NOTCH2NLR: variants seen among roughly 807,000 people sequenced by gnomAD.
NOTCH2NLR encodes the protein notch 2 N-terminal like R (pseudogene).
Under a neutral mutation model 35.6 loss-of-function variants are expected in NOTCH2NLR, and 33 were observed. The ratio of observed to expected loss-of-function variants is 0.93; its 90% CI spans 0.70 to 1.24. The LOEUF is 1.24. Among genes scored for constraint, NOTCH2NLR ranks in the 50% most tolerant of loss-of-function variants. The pLI is 0.00. For missense variants in NOTCH2NLR, 276 were observed against 362.2 expected, an observed-to-expected ratio of 0.76 and a Z score of 1.93; for synonymous variants, 103 against 141.0, an observed-to-expected ratio of 0.73 and a Z score of 1.91.
chr1:120,758,967 C>T (rs1207637526), intron 1 of NOTCH2NLR, among the ~76,000 whole-genome samples: 2 of 107,894 alleles, frequency 1.9e-5, no homozygotes, highest in Non-Finnish European at 3.4e-5. Flanking sequence ...GTTTTGTTTC[C>T]AATGGAACTT....
intron 2 of NOTCH2NLR, among the ~76,000 whole-genome samples, chr1:120,778,595 G>A: frequency 3.6e-5 from 1 of 28,046 alleles, no homozygotes; most frequent in East Asian, 8.8e-4. Context: ...TTTTTGAATG[G>A]CCAAATCCTC....
rs1174417867 is a variant in NOTCH2NLR at position 120,732,234 on chromosome 1, CT to C, written c.73+7993del. Among the ~76,000 whole-genome samples, 36 of 71,894 alleles carry C rather than the reference CT, an allele frequency of 5.0e-4. 4 individuals carry two copies. The highest frequency in any genetic ancestry group is 8.4e-4 in the Admixed American group (6 of 7,126). 47.2% of individuals were successfully genotyped at this position (71,894 alleles called of 152,430 possible). ...CTTTTTCATCTCTTTTTATTTTCAT[CT>C]TTTTTTTTGTGAGAAGATTCTGTAA... On this transcript the variant is annotated intron_variant, in intron 1 of 4. Coordinates refer to ENST00000624419, the Ensembl canonical transcript of NOTCH2NLR.
Position 120,770,241 on chromosome 1 carries a change from C to T in NOTCH2NLR, c.155+6532C>T, listed in dbSNP as rs1651247292. Among the ~76,000 whole-genome samples the T allele has an allele frequency of 1.9e-5, 2 of 103,450 alleles. 1 individual carries two copies. Among genetic ancestry groups the T allele is most frequent in the Non-Finnish European group, 3.6e-5 (2 of 55,724 alleles). 67.9% of individuals were successfully genotyped at this position (103,450 alleles called of 152,430 possible). ...CTGGAGTGCAGTGGCGCTTTCTTGG[C>T]TCACTGCAAGCTCCGCCTCCCGGGT... On this transcript the variant is annotated intron_variant, in intron 2 of 4. Transcript: ENST00000624419.
chr1:120,783,537 G>A (rs1651389548), intron 2 of NOTCH2NLR, among the ~76,000 whole-genome samples: 1 of 52,550 alleles, frequency 1.9e-5, no homozygotes, highest in Non-Finnish European at 3.1e-5. Flanking sequence ...AGTTTCTTGG[G>A]AAGATGATCT....
chr1:120,775,758 T>C lies in NOTCH2NLR; in HGVS notation c.156-9216T>C, dbSNP rs1173634100. 2.6e-5 allele frequency among the ~76,000 whole-genome samples: 2 copies of C among 76,290 alleles called. 1 individual carries two copies. The highest frequency in any genetic ancestry group is 2.3e-4 in the African/African-American group (2 of 8,704). 50.0% of individuals were successfully genotyped at this position (76,290 alleles called of 152,430 possible). On this transcript the variant is annotated intron_variant, in intron 2 of 4. Coordinates refer to ENST00000624419, the Ensembl canonical transcript of NOTCH2NLR. ...GGTGGTTTATGTAGTCAGTCTTTTATCAACAACCGATGAAAGACTAATAAA... is the reference window on the plus strand; with the variant it reads ...GGTGGTTTATGTAGTCAGTCTTTTACCAACAACCGATGAAAGACTAATAAA...
In NOTCH2NLR at chr1:120,745,145, CA is replaced by C. The variant is rs1160274383; in HGVS notation, c.74-18475del. Among the ~76,000 whole-genome samples the C allele has an allele frequency of 7.7e-5, 7 of 90,512 alleles. 3 individuals are homozygous for C. The highest frequency in any genetic ancestry group is 3.6e-4 in the African/African-American group (5 of 14,030). 59.4% of individuals were successfully genotyped at this position (90,512 alleles called of 152,430 possible). ...CAAAAAAAAAAAAACAAAAAAAAAA[CA>C]AAAAAAAGTGGTATTGGGCCTGTCT... On this transcript the variant is annotated intron_variant, in intron 1 of 4. Coordinates refer to ENST00000624419, the Ensembl canonical transcript of NOTCH2NLR.
chr1:120,789,983 T>C lies in NOTCH2NLR; in HGVS notation c.416-3178T>C, dbSNP rs1197030192. On this transcript the variant is annotated intron_variant, in intron 3 of 4. Transcript: ENST00000624419. ...CTTGTTGTTAAGAAGGATCTCTTCT[T>C]GGTGTGTTCTGCAAGATTCTGATCA... Among the ~76,000 whole-genome samples the C allele has an allele frequency of 6.9e-4, 60 of 87,064 alleles. 2 individuals are homozygous for C. Among genetic ancestry groups the C allele is most frequent in the Non-Finnish European group, 1.0e-3 (49 of 49,100 alleles). The allele number at this position is 87,064 out of a possible 152,430, so 57.1% of individuals were successfully genotyped here. A position where few individuals can be genotyped will look rare whatever the true frequency, so the allele number is the denominator to read the frequency against.
chr1:120,766,086 A>G (rs1651191814), intron 2 of NOTCH2NLR, among the ~76,000 whole-genome samples: 2 of 40,722 alleles, frequency 4.9e-5, no homozygotes, highest in East Asian at 5.3e-4. Context: ...ACCATGGCAC[A>G]TGTATACCTA....
At chr1:120,778,189 G>A (rs1202265406) in intron 2 of NOTCH2NLR, among the ~76,000 whole-genome samples, 4 of 74,464 alleles carry the variant, frequency 5.4e-5, no homozygotes, top group Admixed American at 1.3e-4. Flanking sequence ...GTTACTGACC[G>A]ATGCTTAATT....
At chr1:120,763,846 G>C in intron 2 of NOTCH2NLR, 137 bp downstream of exon 2, 1 of 493,922 alleles carries the variant, frequency 2.0e-6, no homozygotes, top group East Asian at 3.2e-5. Flanking sequence ...GGTTGGGGGT[G>C]AGGATGGAAG....
rs1651512884 is a variant in NOTCH2NLR, at chr1:120,793,233, C to T, written c.488C>T (p.Ala163Val). Residue 163 changes from alanine (A) to valine (V), a missense_variant, in exon 4 of 5, where the codon GCC becomes GTC. Ala to Val is a moderately conservative substitution (Grantham distance 64). Transcript: ENST00000624419. Reference sequence around the variant, plus strand: ...AATGGAAGTACCTGTACCACTGTGGCCAACCAGTTCTCCTGCAAATGCCTC... The same window carrying T: ...AATGGAAGTACCTGTACCACTGTGGTCAACCAGTTCTCCTGCAAATGCCTC... The T allele has an allele frequency of 2.1e-5, 30 of 1,440,694 alleles. 7 individuals are homozygous for T. The South Asian group carries it at 3.0e-4, about 14-fold the overall frequency. The allele number at this position is 1,440,694 out of a possible 1,614,324, so 89.2% of individuals were successfully genotyped here. A position where few individuals can be genotyped will look rare whatever the true frequency, so the allele number is the denominator to read the frequency against.
At chr1:120,752,548 A>ATG (rs1651030861) in intron 1 of NOTCH2NLR, among the ~76,000 whole-genome samples, 12 of 11,278 alleles carry the variant, frequency 1.1e-3, no homozygotes, top group South Asian at 8.3e-3. Context: ...ATATATATAT[A>ATG]TATATATTTT....
chr1:120,763,373 A>G (rs1651153594), intron 1 of NOTCH2NLR, among the ~76,000 whole-genome samples: 1 of 101,176 alleles, frequency 9.9e-6, no homozygotes, highest in Non-Finnish European at 1.8e-5. Flanking sequence ...GGAGATGGAG[A>G]TGTAACAGCT....
At chr1:120,745,140 A>C (rs1396749410) in intron 1 of NOTCH2NLR, among the ~76,000 whole-genome samples, 1 of 100,884 alleles carries the variant, frequency 9.9e-6, no homozygotes, top group Non-Finnish European at 1.8e-5. Flanking sequence ...AAAACAAAAA[A>C]AAAACAAAAA....
At chr1:120,782,759 G>C in intron 2 of NOTCH2NLR, among the ~76,000 whole-genome samples, 1 of 98,872 alleles carries the variant, frequency 1.0e-5, no homozygotes, top group East Asian at 2.4e-4. Context: ...GAATAATGCT[G>C]CTATGAACAT....
At position 120,790,538 on chromosome 1, in the gene NOTCH2NLR, T is replaced by TTCTTTCTC. The variant is rs1218526165; in HGVS notation, c.416-2616_416-2615insCTCTTTCT. 6.4e-5 allele frequency among the ~76,000 whole-genome samples: 3 copies of TTCTTTCTC among 46,532 alleles called. 1 individual carries two copies. The East Asian group carries it at 1.4e-3, about 22-fold the overall frequency. The allele number at this position is 46,532 out of a possible 152,430, so 30.5% of individuals were successfully genotyped here. ...ATTCTTTCTTTCTTTCTCCCTCCCT[T>TTCTTTCTC]TCTTTCTTTCTTTCTTTCTTTCTTT... is the stretch of plus-strand genomic sequence containing the variant. On this transcript the variant is annotated intron_variant, in intron 3 of 4. Coordinates refer to ENST00000624419, the Ensembl canonical transcript of NOTCH2NLR.
chr1:120,781,942 C>T (rs1201509500), intron 2 of NOTCH2NLR, among the ~76,000 whole-genome samples: 1 of 107,030 alleles, frequency 9.3e-6, no homozygotes, highest in Non-Finnish European at 1.7e-5. Context: ...GCGAGTAATA[C>T]AAGAGACAAT....
rs1297436775 is a variant in NOTCH2NLR, at chr1:120,751,597, C to T, written c.74-12031C>T. ...AGGTAGGCCAGGGCATCTGCTCGTT[C>T]GCTCGCTCGCTTGCTCTTTCTCTCT... is the stretch of plus-strand genomic sequence containing the variant. On this transcript the variant is annotated intron_variant, in intron 1 of 4. Transcript: ENST00000624419. Among the ~76,000 whole-genome samples the T allele has an allele frequency of 3.6e-5, 2 of 56,326 alleles. 1 individual carries two copies. Among genetic ancestry groups the T allele is most frequent in the Non-Finnish European group, 8.2e-5 (2 of 24,430 alleles). The allele number at this position is 56,326 out of a possible 152,430, so 37.0% of individuals were successfully genotyped here.
At chr1:120,788,106 G>T (rs1240225927) in intron 3 of NOTCH2NLR, among the ~76,000 whole-genome samples, 1 of 60,402 alleles carries the variant, frequency 1.7e-5, no homozygotes, top group Non-Finnish European at 2.8e-5. Context: ...TTGGGCTGTT[G>T]TAGTTGCCCA....
Sources: allele counts gnomAD v4.1 joint callset (sites outside exome capture counted in the v4.1 genomes callset), GRCh38; gene constraint gnomAD v4.1.1; transcripts MANE v1.5; gene names NCBI Gene and HGNC (gene_info 2026-07-23, HGNC 2026-07-21).